LRRTM4: variants seen among roughly 807,000 people sequenced by gnomAD.
The protein encoded by LRRTM4 is leucine rich repeat transmembrane neuronal 4.
LRRTM4 carries 25 observed loss-of-function variants against 47.6 expected under a neutral mutation model. That is an observed-to-expected ratio of 0.53 (90% CI 0.38 to 0.73). The LOEUF (loss-of-function observed/expected upper bound fraction) is 0.73. LRRTM4 is among the 30% of genes least tolerant of loss of function. The pLI, the probability that LRRTM4 is intolerant of heterozygous loss-of-function variation, is 0.00. For missense variants in LRRTM4, 638 were observed against 713.4 expected (o/e 0.89, Z 1.20); for synonymous variants, 311 against 269.5 (o/e 1.15, Z -1.51).
intron 3 of LRRTM4, among the ~76,000 whole-genome samples, chr2:77,409,079 G>A (rs1431568855): frequency 6.6e-6 from 1 of 152,072 alleles, no homozygotes; most frequent in Non-Finnish European, 1.5e-5. Flanking sequence ...TGCTAAATGC[G>A]ATTTTCATCA....
intron 3 of LRRTM4, among the ~76,000 whole-genome samples, chr2:77,497,240 A>G (rs1678397661): frequency 6.6e-6 from 1 of 151,572 alleles, no homozygotes; most frequent in Admixed American, 6.6e-5. Flanking sequence ...CTTTTCTTAA[A>G]GAATCAGCTT....
chr2:77,402,153 T>C (rs1316397365), intron 3 of LRRTM4, among the ~76,000 whole-genome samples: 3 of 151,980 alleles, frequency 2.0e-5, no homozygotes, highest in African/African-American at 7.2e-5. Flanking sequence ...ATTTTTATTC[T>C]AAAAATGTAT....
At chr2:76,973,346 T>C (rs1013292419) in intron 3 of LRRTM4, among the ~76,000 whole-genome samples, 1 of 152,026 alleles carries the variant, frequency 6.6e-6, no homozygotes, top group Admixed American at 6.6e-5. Flanking sequence ...TTAGATTGAA[T>C]AGCTAACTTT....
intron 3 of LRRTM4, among the ~76,000 whole-genome samples, chr2:77,206,813 C>T (rs1674140034): frequency 6.6e-6 from 1 of 152,032 alleles, no homozygotes; most frequent in Non-Finnish European, 1.5e-5. Context: ...TTTAATTGTT[C>T]TCTATTCTCC....
chr2:77,381,635 C>T (rs1293394852), intron 3 of LRRTM4, among the ~76,000 whole-genome samples: 1 of 151,742 alleles, frequency 6.6e-6, no homozygotes, highest in East Asian at 1.9e-4. Flanking sequence ...GTATTAATAC[C>T]TACTATAGAT....
intron 3 of LRRTM4, among the ~76,000 whole-genome samples, chr2:77,144,756 G>A (rs1159241867): frequency 6.6e-6 from 1 of 151,968 alleles, no homozygotes. Context: ...TCATATGTAA[G>A]GTTGATCAAA....
intron 3 of LRRTM4, among the ~76,000 whole-genome samples, chr2:76,858,143 G>A (rs1200547307): frequency 2.0e-5 from 3 of 152,130 alleles, no homozygotes; most frequent in Non-Finnish European, 2.9e-5. Flanking sequence ...CAAATATTTG[G>A]TTAAACATAA....
intron 3 of LRRTM4, among the ~76,000 whole-genome samples, chr2:76,803,720 A>G (rs564866339): frequency 2.6e-5 from 4 of 152,266 alleles, no homozygotes; most frequent in South Asian, 2.1e-4. Context: ...CCTGCCTACA[A>G]GTTACAAGGG....
At chr2:77,311,671 A>C (rs1460180844) in intron 3 of LRRTM4, among the ~76,000 whole-genome samples, 3 of 152,198 alleles carry the variant, frequency 2.0e-5, no homozygotes, top group Non-Finnish European at 4.4e-5. Flanking sequence ...TGCTGATCTG[A>C]AAGCCCATAG....
chr2:76,951,793 C>G (rs562195781), intron 3 of LRRTM4, among the ~76,000 whole-genome samples: 1 of 151,804 alleles, frequency 6.6e-6, no homozygotes, highest in Non-Finnish European at 1.5e-5. Context: ...CTCCCCTCCC[C>G]CTGACAGGCC....
intron 3 of LRRTM4, among the ~76,000 whole-genome samples, chr2:76,806,991 C>A (rs995539174): frequency 6.6e-6 from 1 of 152,044 alleles, no homozygotes; most frequent in Non-Finnish European, 1.5e-5. Context: ...AATGAGACAT[C>A]AACAAATTAT....
chr2:77,264,796 A>G (rs1458521385), intron 3 of LRRTM4, among the ~76,000 whole-genome samples: 1 of 152,140 alleles, frequency 6.6e-6, no homozygotes, highest in East Asian at 1.9e-4. Flanking sequence ...TGAAATGGTC[A>G]TCTTGATACT....
chr2:77,132,115 G>T (rs1321157095), intron 3 of LRRTM4, among the ~76,000 whole-genome samples: 3 of 152,038 alleles, frequency 2.0e-5, no homozygotes, highest in Non-Finnish European at 4.4e-5. Flanking sequence ...CTGTACATTT[G>T]TACCCATGAA....
chr2:76,857,301 G>GTATATATAATATA (rs1553420715), intron 3 of LRRTM4, among the ~76,000 whole-genome samples: 46 of 146,104 alleles, frequency 3.1e-4, no homozygotes, highest in African/African-American at 1.1e-3. Context: ...TAAAAACACA[G>GTATATATAATATA]TATATATAAT....
intron 3 of LRRTM4, among the ~76,000 whole-genome samples, chr2:77,477,891 G>A (rs74946867): frequency 0.13 from 12,966 of 99,476 alleles, 1,515 homozygotes; most frequent in East Asian, 0.57. Flanking sequence ...GAGAAAGAAA[G>A]AAAAAGAAAG....
intron 3 of LRRTM4, among the ~76,000 whole-genome samples, chr2:77,366,320 G>A (rs1404205885): frequency 6.6e-6 from 1 of 151,858 alleles, no homozygotes; most frequent in East Asian, 1.9e-4. Context: ...TCCAAGACAC[G>A]TTTTTGTCCC....
intron 3 of LRRTM4, among the ~76,000 whole-genome samples, chr2:77,061,908 AAT>A (rs1386711456): frequency 6.8e-6 from 1 of 148,146 alleles, no homozygotes; most frequent in Non-Finnish European, 1.5e-5. Flanking sequence ...CATAGTATTT[AAT>A]AGTTGATAGC....
At chr2:76,792,224 A>G (rs761051270) in intron 3 of LRRTM4, among the ~76,000 whole-genome samples, 1 of 152,118 alleles carries the variant, frequency 6.6e-6, no homozygotes, top group Non-Finnish European at 1.5e-5. Context: ...TTCAGAATTT[A>G]AAAAATGTTA....
chr2:76,872,377 G>A (rs1573237969), intron 3 of LRRTM4, among the ~76,000 whole-genome samples: 3 of 152,066 alleles, frequency 2.0e-5, no homozygotes, highest in East Asian at 2.0e-4. Flanking sequence ...ATGTTTGCAC[G>A]CAATGTAATG....
Sources: gnomAD v4.1 joint callset for allele counts (sites outside exome capture counted in the v4.1 genomes callset) on GRCh38, gnomAD v4.1.1 for gene constraint, MANE v1.5 for transcripts, NCBI Gene and HGNC (gene_info 2026-07-23, HGNC 2026-07-21) for gene names.